Variants in ATP8A2 observed in about 807,000 individuals in gnomAD.
The protein encoded by ATP8A2 is phospholipid-transporting ATPase IB.
A neutral mutation model predicts 165.6 loss-of-function variants in ATP8A2; 100 were observed. The ratio of observed to expected loss-of-function variants is 0.60; its 90% CI spans 0.51 to 0.71. The LOEUF (loss-of-function observed/expected upper bound fraction) is 0.71. Among genes scored for constraint, ATP8A2 ranks in the 30% least tolerant of loss-of-function variants. ATP8A2 has a pLI of 0.00. For missense variants in ATP8A2, 1,227 were observed against 1,479.5 expected, an observed-to-expected ratio of 0.83 and a Z score of 2.80; for synonymous variants, 543 against 548.8, an observed-to-expected ratio of 0.99 and a Z score of 0.15.
intron 34 of ATP8A2, among the ~76,000 whole-genome samples, chr13:25,966,735 ATGT>A (rs1172084398): frequency 1.3e-5 from 2 of 152,190 alleles, no homozygotes; most frequent in Admixed American, 6.5e-5. Context: ...CTCTGAGGCC[ATGT>A]TGTGATTGAG....
chr13:25,949,576 C>G (rs1955296766), intron 33 of ATP8A2, among the ~76,000 whole-genome samples: 1 of 152,102 alleles, frequency 6.6e-6, no homozygotes, highest in African/African-American at 2.4e-5. Context: ...AAACAATATG[C>G]CAGAGACACA....
At chr13:25,608,842 C>G (rs1478300343) in intron 24 of ATP8A2, among the ~76,000 whole-genome samples, 2 of 152,168 alleles carry the variant, frequency 1.3e-5, no homozygotes, top group African/African-American at 2.4e-5. Flanking sequence ...AGCTCATGTT[C>G]TGTGAGTGCT....
intron 24 of ATP8A2, among the ~76,000 whole-genome samples, chr13:25,695,706 A>G (rs2042820365): frequency 6.6e-6 from 1 of 152,184 alleles, no homozygotes; most frequent in Non-Finnish European, 1.5e-5. Context: ...TGATCATGAG[A>G]TTGCAGCACA....
At chr13:25,558,513 A>G (rs2039048580) in intron 13 of ATP8A2, among the ~76,000 whole-genome samples, 1 of 152,228 alleles carries the variant, frequency 6.6e-6, no homozygotes, top group Admixed American at 6.5e-5. Context: ...ATACAACAGT[A>G]AAACACTGCT....
chr13:26,016,204 TTAGCGTACAACACGCTGGAAATGTGGTGG>T (rs1439102697), intron 36 of ATP8A2, among the ~76,000 whole-genome samples: 1 of 152,250 alleles, frequency 6.6e-6, no homozygotes, highest in African/African-American at 2.4e-5. Context: ...TAAGAAAGTC[TTAGCGTACAACACGCTGGAAATGTGGTGG>T]TAGGTGCAGC....
intron 35 of ATP8A2, among the ~76,000 whole-genome samples, chr13:25,983,995 G>A (rs1956222405): frequency 6.6e-6 from 1 of 152,012 alleles, no homozygotes; most frequent in African/African-American, 2.4e-5. Flanking sequence ...CACTTTGGGA[G>A]GCCGAGGCAG....
intron 1 of ATP8A2, among the ~76,000 whole-genome samples, chr13:25,465,711 C>CTTTCTTTCT (rs1555274893): frequency 0.098 from 2,094 of 21,344 alleles, 414 homozygotes; most frequent in Non-Finnish European, 0.15. Context: ...TTCTTTCTTT[C>CTTTCTTTCT]TTTCTTTCTT....
chr13:25,852,094 A>T (rs2138714082), intron 30 of ATP8A2, among the ~76,000 whole-genome samples: 2 of 152,218 alleles, frequency 1.3e-5, no homozygotes, highest in South Asian at 4.2e-4. Context: ...AGAGATGAGA[A>T]TTCTCTCTGT....
At chr13:25,983,945 T>C (rs925337706) in intron 35 of ATP8A2, among the ~76,000 whole-genome samples, 7 of 152,102 alleles carry the variant, frequency 4.6e-5, no homozygotes, top group Admixed American at 3.3e-4. Context: ...TAAAAAGTTA[T>C]CTGGAGCCTG....
chr13:25,595,964 A>T (rs555281751), intron 24 of ATP8A2, among the ~76,000 whole-genome samples: 1 of 118,290 alleles, frequency 8.5e-6, no homozygotes, highest in African/African-American at 2.7e-5. Flanking sequence ...AACTTTCATG[A>T]AAGAGACCTG....
At chr13:25,400,926 G>A (rs1289112827) in intron 1 of ATP8A2, among the ~76,000 whole-genome samples, 2 of 152,204 alleles carry the variant, frequency 1.3e-5, no homozygotes, top group Non-Finnish European at 2.9e-5. Flanking sequence ...CAGGAAGGAT[G>A]TATTATGCAT....
chr13:25,533,845 G>A (rs2038194286), intron 6 of ATP8A2, among the ~76,000 whole-genome samples: 1 of 152,130 alleles, frequency 6.6e-6, no homozygotes, highest in African/African-American at 2.4e-5. Flanking sequence ...TTATGGTGAT[G>A]AGTAGAAAAT....
chr13:25,903,625 A>G (rs1953836706), intron 33 of ATP8A2, among the ~76,000 whole-genome samples: 1 of 152,142 alleles, frequency 6.6e-6, no homozygotes, highest in African/African-American at 2.4e-5. Context: ...GCTCTCTGCC[A>G]CGGTGGTCTC....
chr13:25,953,564 G>A lies in ATP8A2; in HGVS notation c.3184-8011G>A, dbSNP rs1555296244. Among the ~76,000 whole-genome samples, 3,552 of 143,578 alleles carry A rather than the reference G, an allele frequency of 0.025. 85 individuals are homozygous for A. Among genetic ancestry groups the A allele is most frequent in the African/African-American group, 0.044 (1,701 of 38,728 alleles). 94.2% of individuals were successfully genotyped at this position (143,578 alleles called of 152,430 possible). On this transcript the variant is annotated intron_variant, in intron 33 of 36. Transcript: ENST00000381655. This position sits in a 1 kb window ranked among gnomAD's most constrained non-coding sequence, Gnocchi z 6.7. ...AAAAAAAAGCAAGGGAAATAGGCAA[G>A]ACGGCCAAATAGGAACAGCTCCAGT...
chr13:25,701,773 T>TAA (rs2042957343), intron 25 of ATP8A2, among the ~76,000 whole-genome samples: 1 of 141,568 alleles, frequency 7.1e-6, no homozygotes, highest in Non-Finnish European at 1.6e-5. Flanking sequence ...CACACTTTTT[T>TAA]CCCCTTCTTG....
intron 33 of ATP8A2, among the ~76,000 whole-genome samples, chr13:25,950,085 C>T (rs1255510441): frequency 1.3e-5 from 2 of 152,140 alleles, no homozygotes; most frequent in Non-Finnish European, 2.9e-5. Context: ...CAGGTGTGAG[C>T]CACCGCTCCC....
At chr13:25,821,617 C>T (rs1471368658) in intron 27 of ATP8A2, among the ~76,000 whole-genome samples, 4 of 152,172 alleles carry the variant, frequency 2.6e-5, no homozygotes, top group African/African-American at 9.7e-5. Context: ...TAACAAACAT[C>T]TGTTAGAAAC....
At chr13:25,430,592 G>A (rs1268545311) in intron 1 of ATP8A2, among the ~76,000 whole-genome samples, 1 of 151,968 alleles carries the variant, frequency 6.6e-6, no homozygotes, top group Non-Finnish European at 1.5e-5. Flanking sequence ...GGTTTTTGTT[G>A]TTGTTGTTTG....
At chr13:25,766,760 G>A (rs990421969) in intron 25 of ATP8A2, among the ~76,000 whole-genome samples, 1 of 152,212 alleles carries the variant, frequency 6.6e-6, no homozygotes, top group Admixed American at 6.5e-5. Context: ...TGCACACCCA[G>A]TTGGGAACCA....
Sources: allele counts gnomAD v4.1 joint callset (sites outside exome capture counted in the v4.1 genomes callset), GRCh38; gene constraint gnomAD v4.1.1; non-coding constraint Gnocchi (gnomAD v3.1); transcripts MANE v1.5; gene names NCBI Gene and HGNC (gene_info 2026-07-23, HGNC 2026-07-21).